Variants in SPDYE12 observed in about 807,000 individuals in gnomAD.
SPDYE12 encodes speedy protein E12.
chr7:74,907,862 C>T, the SPDYE12 span, among the ~76,000 whole-genome samples: 18 of 148,420 alleles, frequency 1.2e-4, no homozygotes, highest in East Asian at 9.9e-4. Context: ...ATGGAGGCTG[C>T]GGTGAGCTAT....
the SPDYE12 span, among the ~76,000 whole-genome samples, chr7:74,910,178 C>T: frequency 1.4e-5 from 2 of 142,784 alleles, no homozygotes; most frequent in Non-Finnish European, 3.1e-5. Context: ...TGGAGAACAA[C>T]CTGGGCAACA....
At chr7:74,908,521 A>G in the SPDYE12 span, among the ~76,000 whole-genome samples, 1,245 of 114,380 alleles carry the variant, frequency 0.011, 71 homozygotes, top group East Asian at 0.076. Flanking sequence ...GAGGAGGCTG[A>G]TGGCTTTTGC....
chr7:74,904,553 T>G, the SPDYE12 span, among the ~76,000 whole-genome samples: 1 of 151,574 alleles, frequency 6.6e-6, no homozygotes, highest in Non-Finnish European at 1.5e-5. Flanking sequence ...ATATATATGT[T>G]AACTAAGTAT....
chr7:74,904,708 C>G, the SPDYE12 span, among the ~76,000 whole-genome samples: 3 of 150,720 alleles, frequency 2.0e-5, no homozygotes, highest in African/African-American at 7.3e-5. Flanking sequence ...TTATAACACC[C>G]ATCACACAGC....
the SPDYE12 span, among the ~76,000 whole-genome samples, chr7:74,910,013 G>A: frequency 4.0e-5 from 6 of 150,900 alleles, no homozygotes; most frequent in African/African-American, 9.7e-5. Flanking sequence ...GGGAGGCAGG[G>A]GCCACTCATT....
chr7:74,914,956 C>A, the SPDYE12 span, among the ~76,000 whole-genome samples: 2 of 149,766 alleles, frequency 1.3e-5, no homozygotes, highest in Non-Finnish European at 3.0e-5. Context: ...ACAAAAAGAA[C>A]CTGTGGATGA....
the SPDYE12 span, among the ~76,000 whole-genome samples, chr7:74,909,874 G>A: frequency 6.8e-6 from 1 of 147,888 alleles, no homozygotes; most frequent in African/African-American, 2.5e-5. Context: ...GTCTAGGTCG[G>A]CTGGTGTCAG....
the SPDYE12 span, among the ~76,000 whole-genome samples, chr7:74,910,603 C>T: frequency 6.6e-6 from 1 of 150,774 alleles, no homozygotes; most frequent in African/African-American, 2.4e-5. Context: ...GTGGGAGAAT[C>T]GCTTGAACCC....
chr7:74,908,913 C>T, the SPDYE12 span, among the ~76,000 whole-genome samples: 1 of 149,910 alleles, frequency 6.7e-6, no homozygotes, highest in South Asian at 2.1e-4. Context: ...GCTCTCCTGA[C>T]CTTGTGATCC....
At chr7:74,910,198 CCT>C in the SPDYE12 span, among the ~76,000 whole-genome samples, 1 of 140,918 alleles carries the variant, frequency 7.1e-6, no homozygotes, top group Non-Finnish European at 1.6e-5. Context: ...ACAGCGAGAC[CCT>C]GTTTCTACGA....
chr7:74,909,033 G>GCCTT, the SPDYE12 span, among the ~76,000 whole-genome samples: 15 of 31,986 alleles, frequency 4.7e-4, no homozygotes, highest in Non-Finnish European at 1.1e-3. Flanking sequence ...TTTTTGCCTG[G>GCCTT]TTTTTTTTTT....
At chr7:74,908,586 G>T in the SPDYE12 span, among the ~76,000 whole-genome samples, 1 of 143,172 alleles carries the variant, frequency 7.0e-6, no homozygotes, top group Admixed American at 7.2e-5. Context: ...CTTGCTGGGG[G>T]AAGTGTCATG....
At chr7:74,910,751 G>A in the SPDYE12 span, 2 of 1,468,904 alleles carry the variant, frequency 1.4e-6, no homozygotes, top group Non-Finnish European at 1.9e-6. Context: ...GGAGGTGGTG[G>A]AGGGAGAACT....
chr7:74,906,283 C>T, the SPDYE12 span, among the ~76,000 whole-genome samples: 2 of 141,896 alleles, frequency 1.4e-5, no homozygotes, highest in Non-Finnish European at 3.0e-5. Flanking sequence ...CGACCCAGAT[C>T]GGTAACTCAA....
At chr7:74,906,687 GATCTCGCGCCCAC>G in the SPDYE12 span, 4 of 508,420 alleles carry the variant, frequency 7.9e-6, no homozygotes, top group Admixed American at 1.3e-4. Context: ...AGGTGGGCGC[GATCTCGCGCCCAC>G]ACCCAGTGCT....
At chr7:74,910,008 G>T in the SPDYE12 span, among the ~76,000 whole-genome samples, 2 of 151,084 alleles carry the variant, frequency 1.3e-5, no homozygotes, top group South Asian at 2.1e-4. Context: ...CATAGGGGAG[G>T]CAGGGGCCAC....
the SPDYE12 span, chr7:74,909,493 T>C: frequency 9.7e-6 from 14 of 1,447,260 alleles, no homozygotes; most frequent in Non-Finnish European, 1.4e-5. Flanking sequence ...CATTGGATAT[T>C]GATGGATAGG....
At chr7:74,912,471 A>C in the SPDYE12 span, among the ~76,000 whole-genome samples, 1 of 20,912 alleles carries the variant, frequency 4.8e-5, no homozygotes, top group Non-Finnish European at 9.0e-5. Context: ...ATCTCAGCTC[A>C]CTGCAACATG....
At chr7:74,912,767 CTTCT>C in the SPDYE12 span, among the ~76,000 whole-genome samples, 1 of 11,740 alleles carries the variant, frequency 8.5e-5, no homozygotes, top group Non-Finnish European at 1.6e-4. Context: ...TCTTTTTTTT[CTTCT>C]TTTTTTTTTT....
Sources: gnomAD v4.1 joint callset for allele counts (sites outside exome capture counted in the v4.1 genomes callset) on GRCh38, gnomAD v4.1.1 for gene constraint, MANE v1.5 for transcripts, NCBI Gene and HGNC (gene_info 2026-07-23, HGNC 2026-07-21) for gene names.